The following TMEM108 variants were observed in gnomAD, a reference collection of about 807,000 sequenced individuals.
The protein encoded by TMEM108 is transmembrane protein 108, also known as cancer/testis antigen 124.
A neutral mutation model predicts 35.1 loss-of-function variants in TMEM108; 12 were observed. The observed-to-expected ratio is 0.34, with a 90% CI of 0.22 to 0.55. The LOEUF (loss-of-function observed/expected upper bound fraction) is 0.55. TMEM108 is among the 20% of genes least tolerant of loss of function. TMEM108 has a pLI of 0.89. For synonymous variants in TMEM108, 287 were observed against 308.6 expected (o/e 0.93, Z 0.73); for missense variants, 680 against 753.3 (o/e 0.90, Z 1.14).
chr3:133,138,355 C>T (rs1490560794), intron 2 of TMEM108, among the ~76,000 whole-genome samples: 1 of 152,142 alleles, frequency 6.6e-6, no homozygotes, highest in Non-Finnish European at 1.5e-5. Context: ...TAAGACTTCA[C>T]AGGAGAAAAA....
intron 2 of TMEM108, among the ~76,000 whole-genome samples, chr3:133,089,340 G>A (rs1049031527): frequency 2.0e-5 from 3 of 151,892 alleles, no homozygotes; most frequent in African/African-American, 7.3e-5. Flanking sequence ...GTTTATGTTC[G>A]GTGCCTTTTC....
intron 2 of TMEM108, among the ~76,000 whole-genome samples, chr3:133,100,443 T>C (rs1944072855): frequency 1.3e-5 from 2 of 152,108 alleles, no homozygotes; most frequent in African/African-American, 4.8e-5. Flanking sequence ...CTACAAAAAA[T>C]ATTTCTAAAA....
At chr3:133,158,400 G>A (rs1944911330) in intron 2 of TMEM108, among the ~76,000 whole-genome samples, 1 of 149,914 alleles carries the variant, frequency 6.7e-6, no homozygotes, top group African/African-American at 2.5e-5. Flanking sequence ...CCCAGGAGGC[G>A]GAGGTCACAG....
intron 3 of TMEM108, among the ~76,000 whole-genome samples, chr3:133,317,098 C>G (rs979142770): frequency 5.9e-5 from 9 of 152,194 alleles, no homozygotes; most frequent in South Asian, 2.1e-4. Flanking sequence ...TGAACTACAG[C>G]TGTTATTGTG....
chr3:133,332,001 T>A (rs746797508), intron 3 of TMEM108, among the ~76,000 whole-genome samples: 1 of 152,158 alleles, frequency 6.6e-6, no homozygotes, highest in Non-Finnish European at 1.5e-5. Flanking sequence ...CTACAGCACA[T>A]TCTTGTGCTT....
chr3:133,086,614 T>G (rs914858194), intron 2 of TMEM108, among the ~76,000 whole-genome samples: 2 of 152,166 alleles, frequency 1.3e-5, no homozygotes, highest in Admixed American at 1.3e-4. Context: ...GGCCCTCTCT[T>G]TATTAGATGA....
At position 133,045,989 on chromosome 3, in the gene TMEM108, C is replaced by A. The variant is rs554698551; in HGVS notation, c.-78C>A. On this transcript the variant is annotated 5_prime_UTR_variant, in exon 2 of 6. Coordinates refer to ENST00000321871, the MANE Select transcript of TMEM108 (RefSeq NM_023943.4). Reference sequence around the variant, plus strand: ...CCGATGGGTCATGAGGATGTAAGTGCGTTTGAAGGCTTCCACACCCTCTAC... The same window carrying A: ...CCGATGGGTCATGAGGATGTAAGTGAGTTTGAAGGCTTCCACACCCTCTAC... 2 of 152,668 alleles carry A rather than the reference C, an allele frequency of 1.3e-5. No individual in the cohort carries two copies. The highest frequency in any genetic ancestry group is 4.2e-4 in the South Asian group (2 of 4,816). 9.5% of individuals were successfully genotyped at this position (152,668 alleles called of 1,614,324 possible). A position where few individuals can be genotyped will look rare whatever the true frequency, so the allele number is the denominator to read the frequency against.
intron 2 of TMEM108, among the ~76,000 whole-genome samples, chr3:133,139,835 G>C (rs1247331872): frequency 6.6e-6 from 1 of 152,158 alleles, no homozygotes; most frequent in Non-Finnish European, 1.5e-5. Flanking sequence ...ATTTCTGATA[G>C]TACCCTGGGC....
At chr3:133,238,984 C>T (rs1946277076) in intron 3 of TMEM108, among the ~76,000 whole-genome samples, 1 of 152,190 alleles carries the variant, frequency 6.6e-6, no homozygotes, top group Non-Finnish European at 1.5e-5. Context: ...GTGAAGTTGT[C>T]TTCCCTTGTG....
intron 3 of TMEM108, among the ~76,000 whole-genome samples, chr3:133,315,544 A>G (rs1308586630): frequency 1.3e-5 from 2 of 152,234 alleles, no homozygotes; most frequent in Non-Finnish European, 2.9e-5. Flanking sequence ...GATTCCATAA[A>G]GAGCCAGACA....
chr3:133,220,988 C>T (rs1945982030), intron 2 of TMEM108, among the ~76,000 whole-genome samples: 1 of 152,138 alleles, frequency 6.6e-6, no homozygotes, highest in Non-Finnish European at 1.5e-5. Context: ...CAGATAAAGA[C>T]ATAAATAGTG....
intron 3 of TMEM108, among the ~76,000 whole-genome samples, chr3:133,254,094 T>G (rs1946510359): frequency 6.6e-6 from 1 of 152,142 alleles, no homozygotes; most frequent in Non-Finnish European, 1.5e-5. Flanking sequence ...TCCCTGTGCT[T>G]TGGGAGGCTA....
At chr3:133,143,379 G>T (rs759989756) in intron 2 of TMEM108, among the ~76,000 whole-genome samples, 1 of 150,866 alleles carries the variant, frequency 6.6e-6, no homozygotes, top group South Asian at 2.1e-4. Context: ...TATTCCCCAG[G>T]ATATTAAAGT....
At chr3:133,083,395 T>C (rs557732698) in intron 2 of TMEM108, among the ~76,000 whole-genome samples, 10 of 152,288 alleles carry the variant, frequency 6.6e-5, no homozygotes, top group Admixed American at 5.2e-4. Flanking sequence ...ACATGGCACA[T>C]GGACTGTTAA....
chr3:133,226,621 T>C (rs1170262251), intron 2 of TMEM108, among the ~76,000 whole-genome samples: 7 of 152,182 alleles, frequency 4.6e-5, no homozygotes, highest in Non-Finnish European at 1.0e-4. Flanking sequence ...CTTCCCATCA[T>C]GGCCTGAGCT....
chr3:133,064,795 A>C (rs78047731), intron 2 of TMEM108, among the ~76,000 whole-genome samples: 4,181 of 152,136 alleles, frequency 0.027, 100 homozygotes, highest in South Asian at 0.06. Flanking sequence ...CTGATGAAAT[A>C]ATGGTTTCAC....
intron 3 of TMEM108, among the ~76,000 whole-genome samples, chr3:133,313,869 G>C (rs1040021864): frequency 2.0e-5 from 3 of 152,036 alleles, no homozygotes; most frequent in African/African-American, 4.8e-5. Context: ...CCTGTGAAGA[G>C]AGCATTTATA....
At chr3:133,391,483 CCTT>C (rs1184506333) in intron 5 of TMEM108, among the ~76,000 whole-genome samples, 4 of 152,126 alleles carry the variant, frequency 2.6e-5, no homozygotes, top group Non-Finnish European at 5.9e-5. Context: ...ATGCTTAAAA[CCTT>C]CTCATTTCTC....
At chr3:133,357,183 T>G (rs2072197867) in intron 3 of TMEM108, among the ~76,000 whole-genome samples, 1 of 152,140 alleles carries the variant, frequency 6.6e-6, no homozygotes, top group African/African-American at 2.4e-5. Flanking sequence ...AAAAAAATGT[T>G]CAACATTACT....
Sources: allele counts gnomAD v4.1 joint callset (sites outside exome capture counted in the v4.1 genomes callset), GRCh38; gene constraint gnomAD v4.1.1; transcripts MANE v1.5; gene names NCBI Gene and HGNC (gene_info 2026-07-23, HGNC 2026-07-21).